Variants in RAD51B observed in about 807,000 individuals in gnomAD.
The protein encoded by RAD51B is DNA repair protein RAD51 homolog 2.
Under a neutral mutation model 42.2 loss-of-function variants are expected in RAD51B, and 38 were observed. That is an observed-to-expected ratio of 0.90 (90% CI 0.70 to 1.18). RAD51B has a LOEUF of 1.18. Among genes scored for constraint, RAD51B ranks in the 50% most tolerant of loss-of-function variants. The probability of loss-of-function intolerance (pLI) is 0.00; values close to 1 mark genes in which losing one functional copy is unlikely to be tolerated. For synonymous variants in RAD51B, 154 were observed against 145.2 expected, an observed-to-expected ratio of 1.06 and a Z score of -0.43; for missense variants, 373 against 400.7, an observed-to-expected ratio of 0.93 and a Z score of 0.59.
In RAD51B at chr14:68,540,524, G is replaced by A. The variant is rs183674041; in HGVS notation, c.1037-53961G>A. On this transcript the variant is annotated intron_variant, in intron 10 of 10. Coordinates refer to the RAD51B transcript ENST00000487270. Reference sequence around the variant, plus strand: ...GTTCCCTCATTTCTCTAGGTAACATGTACTACTAGTGGGATCATCAAACAA... The same window carrying A: ...GTTCCCTCATTTCTCTAGGTAACATATACTACTAGTGGGATCATCAAACAA... The A allele has an allele frequency of 2.1e-5, 21 of 985,250 alleles. No homozygotes were observed. The Admixed American group carries it at 2.5e-4, about 12-fold the overall frequency. 61.0% of individuals were successfully genotyped at this position (985,250 alleles called of 1,614,324 possible). A position where few individuals can be genotyped will look rare whatever the true frequency, so the allele number is the denominator to read the frequency against.
chr14:68,531,755 T>G (rs1887323683), intron 10 of RAD51B, among the ~76,000 whole-genome samples: 1 of 152,100 alleles, frequency 6.6e-6, no homozygotes, highest in South Asian at 2.1e-4. Context: ...TCCTAGCACT[T>G]TGGGAGGCCG....
intron 7 of RAD51B, among the ~76,000 whole-genome samples, chr14:68,175,259 AAAGTTGG>A (rs1374039191): frequency 6.6e-6 from 1 of 152,196 alleles, no homozygotes; most frequent in Non-Finnish European, 1.5e-5. Flanking sequence ...GGCCTTAAAG[AAAGTTGG>A]TATGTTTATA....
At chr14:68,473,328 G>A (rs1481133586) in intron 10 of RAD51B, among the ~76,000 whole-genome samples, 2 of 152,330 alleles carry the variant, frequency 1.3e-5, no homozygotes, top group East Asian at 3.9e-4. Context: ...ATTGTCCCCA[G>A]CCTGCCAGGT....
chr14:68,163,645 A>T (rs1305495456), intron 7 of RAD51B, among the ~76,000 whole-genome samples: 1 of 151,984 alleles, frequency 6.6e-6, no homozygotes, highest in Non-Finnish European at 1.5e-5. Context: ...CCCAAGTCCT[A>T]TTTACTGGCT....
chr14:68,500,143 C>T (rs1050149770), intron 10 of RAD51B, among the ~76,000 whole-genome samples: 1 of 152,200 alleles, frequency 6.6e-6, no homozygotes, highest in African/African-American at 2.4e-5. Context: ...CATGGTTCAC[C>T]TGAGGACACT....
chr14:67,844,429 C>G (rs945986614), intron 4 of RAD51B, among the ~76,000 whole-genome samples: 1 of 151,620 alleles, frequency 6.6e-6, no homozygotes, highest in African/African-American at 2.4e-5. Flanking sequence ...AATGATCTGT[C>G]TTATAATGTC....
chr14:68,268,697 T>G (rs776758304), intron 7 of RAD51B, among the ~76,000 whole-genome samples: 2 of 152,220 alleles, frequency 1.3e-5, no homozygotes, highest in Non-Finnish European at 2.9e-5. Context: ...TTTTCCCTCT[T>G]TTGTCTTATC....
intron 10 of RAD51B, among the ~76,000 whole-genome samples, chr14:68,500,417 G>T (rs943053245): frequency 5.9e-5 from 9 of 152,242 alleles, no homozygotes; most frequent in African/African-American, 2.2e-4. Flanking sequence ...AGGTTTGCCT[G>T]TGCTTAAGCC....
intron 8 of RAD51B, among the ~76,000 whole-genome samples, chr14:68,375,551 C>T (rs369262386): frequency 2.0e-5 from 3 of 152,150 alleles, no homozygotes; most frequent in South Asian, 2.1e-4. Flanking sequence ...CAGAGTATGC[C>T]GTCCCTCACC....
chr14:68,518,574 C>G (rs1886338561), intron 10 of RAD51B, among the ~76,000 whole-genome samples: 1 of 151,654 alleles, frequency 6.6e-6, no homozygotes, highest in African/African-American at 2.4e-5. Context: ...CAGGCCTCCC[C>G]CATCCACTTT....
intron 5 of RAD51B, among the ~76,000 whole-genome samples, chr14:67,874,644 C>T (rs1595045244): frequency 6.6e-6 from 1 of 152,006 alleles, no homozygotes; most frequent in East Asian, 1.9e-4. Flanking sequence ...TCTGATTGAT[C>T]CAGAGAAGAT....
At chr14:68,347,351 A>G (rs1419434257) in intron 8 of RAD51B, among the ~76,000 whole-genome samples, 2 of 152,248 alleles carry the variant, frequency 1.3e-5, no homozygotes, top group Admixed American at 6.5e-5. Flanking sequence ...TATCCACAAA[A>G]TGATTGGGGG....
At chr14:68,294,765 A>G (rs2081581877) in intron 8 of RAD51B, among the ~76,000 whole-genome samples, 1 of 152,236 alleles carries the variant, frequency 6.6e-6, no homozygotes. Flanking sequence ...TAGATTAAAC[A>G]CAATAAAAAG....
chr14:68,600,763 C>T (rs1478976445), downstream of RAD51B, among the ~76,000 whole-genome samples: 4 of 152,206 alleles, frequency 2.6e-5, no homozygotes, highest in Non-Finnish European at 4.4e-5. Context: ...AATTCACTCT[C>T]CCAGCCTCCT....
At chr14:68,567,604 G>A (rs1042247260) in intron 10 of RAD51B, among the ~76,000 whole-genome samples, 2 of 152,178 alleles carry the variant, frequency 1.3e-5, no homozygotes, top group Non-Finnish European at 2.9e-5. Context: ...ATCATACAGA[G>A]TAGTTTTTCA....
At chr14:68,388,269 T>C (rs181790540) in intron 8 of RAD51B, among the ~76,000 whole-genome samples, 112 of 152,046 alleles carry the variant, frequency 7.4e-4, no homozygotes, top group African/African-American at 2.4e-3. Context: ...AATTTTTGTA[T>C]TTTTACTACA....
At chr14:67,883,690 A>G (rs765936510) in intron 5 of RAD51B, among the ~76,000 whole-genome samples, 15 of 152,074 alleles carry the variant, frequency 9.9e-5, no homozygotes, top group Non-Finnish European at 1.9e-4. Flanking sequence ...ATTTTCCTCT[A>G]CAGCCTTATT....
intron 7 of RAD51B, among the ~76,000 whole-genome samples, chr14:67,920,348 A>G (rs2044282710): frequency 6.6e-6 from 1 of 152,144 alleles, no homozygotes; most frequent in Non-Finnish European, 1.5e-5. Flanking sequence ...AAAAATACAA[A>G]TTTTACTGTT....
intron 3 of RAD51B, among the ~76,000 whole-genome samples, chr14:67,831,833 C>G (rs945215466): frequency 6.6e-6 from 1 of 152,130 alleles, no homozygotes; most frequent in Non-Finnish European, 1.5e-5. Flanking sequence ...CGTGAGCCAC[C>G]ACACCCAGCT....
Sources: gnomAD v4.1 joint callset for allele counts (sites outside exome capture counted in the v4.1 genomes callset) on GRCh38, gnomAD v4.1.1 for gene constraint, MANE v1.5 for transcripts, NCBI Gene and HGNC (gene_info 2026-07-23, HGNC 2026-07-21) for gene names.